OMA1: variants seen among roughly 807,000 people sequenced by gnomAD.
OMA1 encodes metalloendopeptidase OMA1, mitochondrial.
A neutral mutation model predicts 30.9 loss-of-function variants in OMA1; 38 were observed. The ratio of observed to expected loss-of-function variants is 1.23; its 90% confidence interval spans 0.95 to 1.61. The LOEUF (loss-of-function observed/expected upper bound fraction) is 1.61. OMA1 is among the 40% of genes most tolerant of loss of function. The probability of loss-of-function intolerance (pLI) is 0.00; values close to 1 mark genes in which losing one functional copy is unlikely to be tolerated. For synonymous variants in OMA1, 173 were observed against 121.9 expected, an observed-to-expected ratio of 1.42 and a Z score of -2.76; for missense variants, 461 against 349.2, an observed-to-expected ratio of 1.32 and a Z score of -2.55.
chr1:58,536,438 T>C (rs974856624), intron 3 of OMA1, 75 bp downstream of exon 3: 3 of 713,006 alleles, frequency 4.2e-6, no homozygotes, highest in Non-Finnish European at 7.4e-6. Context: ...ACAACATATC[T>C]TTCACATTTA....
At chr1:58,500,840 A>T (rs759113378) in intron 8 of OMA1, among the ~76,000 whole-genome samples, 1 of 152,226 alleles carries the variant, frequency 6.6e-6, no homozygotes, top group Admixed American at 6.5e-5. Context: ...TTCAGTTTTA[A>T]AATAAATCTT....
At chr1:58,510,098 A>C (rs1285514490) in intron 7 of OMA1, among the ~76,000 whole-genome samples, 2 of 152,046 alleles carry the variant, frequency 1.3e-5, no homozygotes, top group African/African-American at 4.8e-5. Context: ...AGTCTTCCAA[A>C]AAATTGAGGA....
At chr1:58,524,449 C>T (rs185523409) in intron 7 of OMA1, among the ~76,000 whole-genome samples, 148 of 152,236 alleles carry the variant, frequency 9.7e-4, no homozygotes, top group Admixed American at 3.3e-3. Flanking sequence ...AATGACTTTG[C>T]TTTTTCTTGA....
At chr1:58,536,385 G>GAA in intron 3 of OMA1, 128 bp downstream of exon 3, 1 of 601,860 alleles carries the variant, frequency 1.7e-6, no homozygotes, top group Non-Finnish European at 3.0e-6. Context: ...AGGCCTTCGG[G>GAA]AAAAAAAAAT....
intron 5 of OMA1, among the ~76,000 whole-genome samples, chr1:58,532,277 G>T (rs1238617300): frequency 6.6e-6 from 1 of 152,006 alleles, no homozygotes; most frequent in Non-Finnish European, 1.5e-5. Context: ...TATTTTTAAG[G>T]CTGCTGTTTG....
intron 8 of OMA1, among the ~76,000 whole-genome samples, chr1:58,494,030 A>T (rs983638942): frequency 1.2e-3 from 184 of 152,142 alleles, no homozygotes; most frequent in African/African-American, 4.2e-3. Flanking sequence ...CTACAAGGCT[A>T]CAGTAACCAA....
intron 8 of OMA1, among the ~76,000 whole-genome samples, chr1:58,498,569 A>G (rs1009817286): frequency 2.6e-5 from 4 of 152,198 alleles, no homozygotes; most frequent in Non-Finnish European, 5.9e-5. Flanking sequence ...AAAGACAGAA[A>G]AGAAATACAA....
Position 58,533,954 on chromosome 1 carries a change from G to A in OMA1, c.1010C>T (p.Ala337Val), listed in dbSNP as rs756141539. Residue 337 changes from alanine to valine, a missense_variant and splice_region_variant, in exon 5 of 9, where the codon GCT becomes GTT. Transcript: ENST00000371226. The stretch of plus-strand genomic sequence containing the variant: ...TGAACATTCATTTTAGGTACTTACA[G>A]CATGCCCAAGTACTGCATGTGCTAT... ...HEIAHAVLGH[A>V]AEKAGMVHLL... 3.4e-6 allele frequency: 3 copies of A among 871,944 alleles called. No homozygotes were observed. Among genetic ancestry groups the A allele is most frequent in the Non-Finnish European group, 4.0e-6 (2 of 501,132 alleles). 54.0% of individuals were successfully genotyped at this position (871,944 alleles called of 1,614,324 possible).
chr1:58,543,212 G>C (rs952727700), intron 1 of OMA1, among the ~76,000 whole-genome samples: 12 of 152,120 alleles, frequency 7.9e-5, no homozygotes, highest in Non-Finnish European at 2.9e-5. Flanking sequence ...GCAAATAAAT[G>C]ATCTCTAAGA....
chr1:58,528,846 C>A (rs1334336762), intron 6 of OMA1, among the ~76,000 whole-genome samples: 1 of 152,152 alleles, frequency 6.6e-6, no homozygotes, highest in Non-Finnish European at 1.5e-5. Flanking sequence ...TATTGAGGGG[C>A]CTTGATTTAG....
At chr1:58,533,293 C>T (rs756700272) in intron 5 of OMA1, among the ~76,000 whole-genome samples, 7 of 152,172 alleles carry the variant, frequency 4.6e-5, no homozygotes, top group South Asian at 2.1e-4. Flanking sequence ...GACTAACATA[C>T]AGAAGACCCA....
intron 1 of OMA1, among the ~76,000 whole-genome samples, chr1:58,544,652 TG>T (rs1646672904): frequency 6.6e-6 from 1 of 152,206 alleles, no homozygotes; most frequent in Admixed American, 6.5e-5. Flanking sequence ...TGGAGTGCAG[TG>T]GTGCCACCTC....
intron 5 of OMA1, among the ~76,000 whole-genome samples, chr1:58,532,971 T>G (rs1050313453): frequency 3.3e-5 from 5 of 152,254 alleles, no homozygotes; most frequent in African/African-American, 1.2e-4. Flanking sequence ...CTTAGAAGGA[T>G]TAGAATCATT....
At chr1:58,524,663 G>C (rs1391497796) in intron 7 of OMA1, among the ~76,000 whole-genome samples, 1 of 152,088 alleles carries the variant, frequency 6.6e-6, no homozygotes, top group East Asian at 1.9e-4. Flanking sequence ...TGAAATGGCA[G>C]GCAACCACAG....
At chr1:58,543,009 C>G (rs937478830) in intron 1 of OMA1, among the ~76,000 whole-genome samples, 3 of 151,264 alleles carry the variant, frequency 2.0e-5, no homozygotes, top group Non-Finnish European at 4.4e-5. Context: ...AAAAGTGGAT[C>G]CACAGAAAAG....
In OMA1 at chr1:58,506,558, T is replaced by C. The variant is rs190998298; in HGVS notation, c.1216-349A>G. Among the ~76,000 whole-genome samples the C allele has an allele frequency of 8.9e-4, 136 of 152,298 alleles. No homozygotes were observed. In the Middle Eastern group the frequency reaches 0.02, roughly 23 times the overall value. ...TACTGAAATAACAGAATGCCTGCCC[T>C]TCCCATATACAACATTCACAATAAC... On this transcript the variant is annotated intron_variant, in intron 7 of 8. Transcript: ENST00000371226.
intron 8 of OMA1, among the ~76,000 whole-genome samples, chr1:58,503,382 G>A (rs781182336): frequency 7.9e-5 from 12 of 152,030 alleles, no homozygotes; most frequent in Admixed American, 2.6e-4. Context: ...ACCCTTTTAA[G>A]AGGAATAATT....
chr1:58,515,000 C>G (rs1646138053), intron 7 of OMA1, among the ~76,000 whole-genome samples: 1 of 152,112 alleles, frequency 6.6e-6, no homozygotes, highest in Admixed American at 6.5e-5. Flanking sequence ...CAGTGCCCAG[C>G]ACATTAAAAA....
At chr1:58,536,800 C>A in intron 2 of OMA1, 59 bp from the exon 3 acceptor site, 1 of 809,950 alleles carries the variant, frequency 1.2e-6, no homozygotes. Context: ...ATCACTAAAG[C>A]TCAAATGCAT....
Sources: allele counts gnomAD v4.1 joint callset (sites outside exome capture counted in the v4.1 genomes callset), GRCh38; gene constraint gnomAD v4.1.1; transcripts MANE v1.5; gene names NCBI Gene and HGNC (gene_info 2026-07-23, HGNC 2026-07-21).